The following SNX24 variants were observed in gnomAD, a reference collection of about 807,000 sequenced individuals.
The protein encoded by SNX24 is sorting nexin-24.
A neutral mutation model predicts 28.7 loss-of-function variants in SNX24; 22 were observed. The observed-to-expected ratio is 0.77, with a 90% CI of 0.55 to 1.10. The LOEUF (loss-of-function observed/expected upper bound fraction) is 1.10. SNX24 is among the 50% of genes least tolerant of loss of function. The probability of loss-of-function intolerance (pLI) is 0.00; values close to 1 mark genes in which losing one functional copy is unlikely to be tolerated. For missense variants in SNX24, 221 were observed against 201.1 expected (o/e 1.10, Z -0.60); for synonymous variants, 69 against 71.5 (o/e 0.96, Z 0.18).
intron 5 of SNX24, chr5:123,024,041 C>T: frequency 1.3e-6 from 2 of 1,593,644 alleles, no homozygotes; most frequent in Non-Finnish European, 8.6e-7. Flanking sequence ...TTAATTCTGA[C>T]CAGCAGCTAT....
At chr5:123,009,581 G>A (rs1262791407), downstream of SNX24, among the ~76,000 whole-genome samples, 2 of 152,172 alleles carry the variant, frequency 1.3e-5, no homozygotes, top group Non-Finnish European at 2.9e-5. Flanking sequence ...AGATTTGCAG[G>A]AGGCACACCT....
chr5:122,946,508 G>A (rs966201317), intron 3 of SNX24, among the ~76,000 whole-genome samples: 13 of 151,908 alleles, frequency 8.6e-5, no homozygotes, highest in Non-Finnish European at 1.6e-4. Context: ...CAGCCTTCAC[G>A]TTTTGAGTTT....
intron 1 of SNX24, among the ~76,000 whole-genome samples, chr5:122,895,882 C>T (rs756083759): frequency 7.9e-5 from 12 of 152,214 alleles, no homozygotes; most frequent in Admixed American, 5.2e-4. Context: ...GGCACAGTGG[C>T]TCATGCCTGT....
intron 1 of SNX24, among the ~76,000 whole-genome samples, chr5:122,849,521 G>A (rs761596559): frequency 1.1e-4 from 16 of 150,416 alleles, no homozygotes; most frequent in Non-Finnish European, 2.1e-4. Context: ...TTTTTGCTAG[G>A]ATTGTGAATT....
intron 1 of SNX24, among the ~76,000 whole-genome samples, chr5:122,891,459 A>G (rs1756963889): frequency 6.6e-6 from 1 of 152,212 alleles, no homozygotes; most frequent in South Asian, 2.1e-4. Context: ...TTATTGAGGT[A>G]AAATGGGGGA....
rs767085137 is a variant in SNX24 at position 122,845,679 on chromosome 5, G to C, written c.46G>C (p.Glu16Gln). 7.0e-7 allele frequency: 1 copy of C among 1,422,362 alleles called. No homozygotes were observed. The highest frequency in any genetic ancestry group is 1.7e-5 in the South Asian group (1 of 60,588). The allele number at this position is 1,422,362 out of a possible 1,614,324, so 88.1% of individuals were successfully genotyped here. A position where few individuals can be genotyped will look rare whatever the true frequency, so the allele number is the denominator to read the frequency against. Residue 16 changes from glutamate (E) to glutamine (Q), a missense_variant, in exon 1 of 7, where the codon GAG becomes CAG. Physicochemically the swap from Glu to Gln is conservative, Grantham distance 29. Transcript: ENST00000261369. Reference sequence around the variant, plus strand: ...CTTTCGCTATGAAGAGAGCGACCTGGAGCGGGGATACACGGTAGGCGCGGG... The same window carrying C: ...CTTTCGCTATGAAGAGAGCGACCTGCAGCGGGGATACACGGTAGGCGCGGG... ...PSFRYEESDL[E>Q]RGYTVFKIEV... is the part of the protein sequence containing the mutation.
intron 1 of SNX24, among the ~76,000 whole-genome samples, chr5:122,924,918 C>T (rs973451518): frequency 6.6e-6 from 1 of 152,006 alleles, no homozygotes; most frequent in South Asian, 2.1e-4. Context: ...ATTATTAAGA[C>T]GGGTAGTTTC....
intron 1 of SNX24, among the ~76,000 whole-genome samples, chr5:122,892,217 A>G (rs1418970596): frequency 6.6e-6 from 1 of 152,054 alleles, no homozygotes; most frequent in East Asian, 1.9e-4. Flanking sequence ...ACACCCACAC[A>G]CATAACACAC....
intron 1 of SNX24, among the ~76,000 whole-genome samples, chr5:122,858,373 T>C (rs79009089): frequency 0.03 from 4,600 of 152,350 alleles, 130 homozygotes; most frequent in East Asian, 0.04. Flanking sequence ...AACAAAACTT[T>C]AATTTGTAAT....
In SNX24 at chr5:123,024,063, G is replaced by A. The variant is rs1581871161; in HGVS notation, n.384-5175G>A. The A allele has an allele frequency of 1.9e-6, 3 of 1,542,190 alleles. No homozygotes were observed. The East Asian group carries it at 6.9e-5, about 35-fold the overall frequency. On this transcript the variant is annotated intron_variant and non_coding_transcript_variant, in intron 5 of 5. Coordinates refer to the SNX24 transcript ENST00000502387. ...TGACCAGCAGCTATAGCAATCCAAA[G>A]GTTAAACCAAAGCCAACTCCAAAAG...
At position 123,023,936 on chromosome 5, in the gene SNX24, A is replaced by G. The variant is rs773343919; in HGVS notation, n.384-5302A>G. ...CACGTCTATCTTGCCACTGTTGATG[A>G]TCGAGCAGTTGGTGAGTGGACGGTC... On this transcript the variant is annotated intron_variant and non_coding_transcript_variant, in intron 5 of 5. Transcript: ENST00000502387. 3.1e-6 allele frequency: 5 copies of G among 1,614,082 alleles called. No homozygotes were observed. The East Asian group carries it at 1.1e-4, about 36-fold the overall frequency.
intron 3 of SNX24, among the ~76,000 whole-genome samples, chr5:122,978,788 C>T (rs1216456477): frequency 6.6e-6 from 1 of 152,150 alleles, no homozygotes; most frequent in Non-Finnish European, 1.5e-5. Context: ...AACATGAATA[C>T]ATTGAAAACC....
At chr5:122,919,458 A>T (rs1758321547) in intron 1 of SNX24, among the ~76,000 whole-genome samples, 1 of 152,184 alleles carries the variant, frequency 6.6e-6, no homozygotes, top group South Asian at 2.1e-4. Flanking sequence ...TACAAAACTC[A>T]TTTAGGGTCA....
chr5:123,021,707 G>A (rs951215949), intron 5 of SNX24, among the ~76,000 whole-genome samples: 5 of 152,010 alleles, frequency 3.3e-5, no homozygotes, highest in Admixed American at 6.5e-5. Flanking sequence ...TAACCCTTCC[G>A]TGTACCATGA....
At chr5:122,997,588 C>T (rs1216569696) in intron 3 of SNX24, among the ~76,000 whole-genome samples, 1 of 152,132 alleles carries the variant, frequency 6.6e-6, no homozygotes. Flanking sequence ...AAACAATTCA[C>T]CTTGTTAAAA....
At chr5:122,890,183 T>G (rs1427040012) in intron 1 of SNX24, among the ~76,000 whole-genome samples, 1 of 152,134 alleles carries the variant, frequency 6.6e-6, no homozygotes, top group Non-Finnish European at 1.5e-5. Context: ...CAGAGGCACA[T>G]GGTATCTGTC....
At chr5:122,929,284 G>C (rs1173015910) in intron 1 of SNX24, among the ~76,000 whole-genome samples, 3 of 152,030 alleles carry the variant, frequency 2.0e-5, no homozygotes, top group Non-Finnish European at 4.4e-5. Context: ...CCTCCTCTTT[G>C]CCTGCTTTCC....
chr5:122,950,612 G>A (rs2150128917), intron 3 of SNX24, among the ~76,000 whole-genome samples: 1 of 152,308 alleles, frequency 6.6e-6, no homozygotes, highest in South Asian at 2.1e-4. Flanking sequence ...GAAAGAAGCA[G>A]TGTCTTTCAC....
intron 3 of SNX24, among the ~76,000 whole-genome samples, chr5:122,952,261 T>C (rs565546653): frequency 1.1e-4 from 17 of 152,342 alleles, no homozygotes; most frequent in Non-Finnish European, 2.1e-4. Context: ...AACACATGCC[T>C]AGGCTACTCA....
Sources: gnomAD v4.1 joint callset for allele counts (sites outside exome capture counted in the v4.1 genomes callset) on GRCh38, gnomAD v4.1.1 for gene constraint, MANE v1.5 for transcripts, NCBI Gene and HGNC (gene_info 2026-07-23, HGNC 2026-07-21) for gene names.